Variants in DENND5B observed in about 807,000 individuals in gnomAD.
DENND5B encodes DENN domain-containing protein 5B.
Under a neutral mutation model 140.6 loss-of-function variants are expected in DENND5B, and 34 were observed. The observed-to-expected ratio is 0.24, with a 90% CI of 0.18 to 0.32. The LOEUF is 0.32. Among genes scored for constraint, DENND5B ranks in the 10% least tolerant of loss-of-function variants. DENND5B has a pLI of 1.00. For missense variants in DENND5B, 1,142 were observed against 1,560.2 expected, an observed-to-expected ratio of 0.73 and a Z score of 4.52; for synonymous variants, 551 against 562.1, an observed-to-expected ratio of 0.98 and a Z score of 0.28.
At chr12:31,570,126 T>C (rs1360609645) in intron 1 of DENND5B, among the ~76,000 whole-genome samples, 6 of 138,408 alleles carry the variant, frequency 4.3e-5, no homozygotes, top group South Asian at 2.3e-4. Context: ...ACCCGGGAGG[T>C]GGAGGTTGCA....
At chr12:31,588,229 T>A (rs964437988) in intron 1 of DENND5B, among the ~76,000 whole-genome samples, 1 of 152,136 alleles carries the variant, frequency 6.6e-6, no homozygotes, top group Non-Finnish European at 1.5e-5. Flanking sequence ...CTTCCTCATG[T>A]CCTTCAAGGC....
intron 11 of DENND5B, among the ~76,000 whole-genome samples, chr12:31,418,098 G>T (rs941710892): frequency 8.6e-5 from 13 of 151,966 alleles, no homozygotes; most frequent in African/African-American, 3.1e-4. Context: ...TACTTTCAAG[G>T]GCCTTCCATA....
At chr12:31,468,448 AAATT>A (rs1442729651) in intron 3 of DENND5B, among the ~76,000 whole-genome samples, 2 of 152,094 alleles carry the variant, frequency 1.3e-5, no homozygotes, top group Non-Finnish European at 2.9e-5. Context: ...ACAAAACCAT[AAATT>A]AATAAAACAG....
intron 1 of DENND5B, among the ~76,000 whole-genome samples, chr12:31,532,579 T>C (rs117711505): frequency 6.6e-6 from 1 of 152,234 alleles, no homozygotes; most frequent in East Asian, 1.9e-4. Context: ...GTGAGTTATA[T>C]AGTAGTGAAA....
At chr12:31,542,497 A>G (rs189585536) in intron 1 of DENND5B, among the ~76,000 whole-genome samples, 1 of 152,136 alleles carries the variant, frequency 6.6e-6, no homozygotes, top group Non-Finnish European at 1.5e-5. Flanking sequence ...ATTTTAAAAT[A>G]ATTAAGAGTA....
chr12:31,416,253 C>CT (rs1030264810), intron 11 of DENND5B, among the ~76,000 whole-genome samples: 5 of 151,558 alleles, frequency 3.3e-5, no homozygotes, highest in Admixed American at 6.6e-5. Context: ...GGACCAGGCA[C>CT]TTTTTTTTGT....
intron 1 of DENND5B, among the ~76,000 whole-genome samples, chr12:31,520,355 G>C (rs1000664018): frequency 6.6e-6 from 1 of 152,064 alleles, no homozygotes; most frequent in Non-Finnish European, 1.5e-5. Flanking sequence ...CAGTTTCCAG[G>C]CACTTATAAT....
At chr12:31,489,749 A>G (rs1946451685) in intron 2 of DENND5B, among the ~76,000 whole-genome samples, 1 of 102,574 alleles carries the variant, frequency 9.7e-6, no homozygotes, top group Non-Finnish European at 1.9e-5. Flanking sequence ...AGGTGCTACA[A>G]AAAGGTATAC....
At chr12:31,457,915 C>T (rs961205138) in intron 4 of DENND5B, among the ~76,000 whole-genome samples, 4 of 151,918 alleles carry the variant, frequency 2.6e-5, no homozygotes, top group Non-Finnish European at 4.4e-5. Context: ...AGGGTTTCAC[C>T]GTGTTATCCA....
chr12:31,547,631 C>G (rs543375147), intron 1 of DENND5B, among the ~76,000 whole-genome samples: 1 of 152,138 alleles, frequency 6.6e-6, no homozygotes, highest in Middle Eastern at 3.4e-3. Context: ...ATTCTGACCT[C>G]GTGATCCACT....
At chr12:31,451,693 A>C in intron 5 of DENND5B, 1 of 451,496 alleles carries the variant, frequency 2.2e-6, no homozygotes, top group Admixed American at 4.1e-5. Context: ...AATTTAACGC[A>C]CAATTTAATG....
At chr12:31,552,902 C>T (rs193193728) in intron 1 of DENND5B, among the ~76,000 whole-genome samples, 9 of 152,210 alleles carry the variant, frequency 5.9e-5, no homozygotes, top group East Asian at 5.8e-4. Context: ...TCTGTGGGAT[C>T]GGTGGTGATA....
At chr12:31,475,415 T>C (rs1244105126) in intron 3 of DENND5B, among the ~76,000 whole-genome samples, 1 of 151,974 alleles carries the variant, frequency 6.6e-6, no homozygotes, top group East Asian at 1.9e-4. Flanking sequence ...AATAAATTGG[T>C]AGATATTAAT....
chr12:31,433,009 G>T, intron 8 of DENND5B, 146 bp downstream of exon 8: 1 of 666,496 alleles, frequency 1.5e-6, no homozygotes, highest in Non-Finnish European at 2.5e-6. Flanking sequence ...CTATATGTCC[G>T]TACAAAAGGA....
At chr12:31,454,906 C>T (rs1321488724) in intron 4 of DENND5B, among the ~76,000 whole-genome samples, 2 of 144,960 alleles carry the variant, frequency 1.4e-5, no homozygotes, top group African/African-American at 5.2e-5. Context: ...GCAACCTCTG[C>T]CTCCTGGGTT....
Position 31,511,551 on chromosome 12 carries a change from TTA to T in DENND5B, c.128-15634_128-15633del, listed in dbSNP as rs902435894. Among the ~76,000 whole-genome samples the T allele has an allele frequency of 1.7e-3, 187 of 107,432 alleles. 1 individual carries two copies. The highest frequency in any genetic ancestry group is 5.4e-3 in the Middle Eastern group (1 of 184). The allele number at this position is 107,432 out of a possible 152,430, so 70.5% of individuals were successfully genotyped here. A position where few individuals can be genotyped will look rare whatever the true frequency, so the allele number is the denominator to read the frequency against. On this transcript the variant is annotated intron_variant, in intron 1 of 20. Coordinates refer to ENST00000389082, the MANE Select transcript of DENND5B (RefSeq NM_144973.4). The stretch of plus-strand genomic sequence containing the variant: ...GAATATGATGTCTTTTTTTTTTTTT[TTA>T]ACAGAGATAGCACTGTGAAGTTCTT...
intron 4 of DENND5B, among the ~76,000 whole-genome samples, chr12:31,459,951 C>A (rs1177848345): frequency 6.6e-6 from 1 of 152,172 alleles, no homozygotes; most frequent in Non-Finnish European, 1.5e-5. Flanking sequence ...ACTGCTCCAT[C>A]TTCAGAAATT....
intron 14 of DENND5B, among the ~76,000 whole-genome samples, chr12:31,403,517 C>T (rs1259487061): frequency 1.3e-5 from 2 of 149,994 alleles, no homozygotes; most frequent in South Asian, 2.1e-4. Flanking sequence ...CACTTGAACC[C>T]GGGAGGCAGA....
chr12:31,399,843 T>G, intron 15 of DENND5B, 71 bp from the exon 16 acceptor site: 1 of 1,198,538 alleles, frequency 8.3e-7, no homozygotes, highest in South Asian at 1.4e-5. Context: ...TACAGGTACT[T>G]TGGTTCCGTC....
Sources: allele counts gnomAD v4.1 joint callset (sites outside exome capture counted in the v4.1 genomes callset), GRCh38; gene constraint gnomAD v4.1.1; transcripts MANE v1.5; gene names NCBI Gene and HGNC (gene_info 2026-07-23, HGNC 2026-07-21).